BICC1: variants seen among roughly 807,000 people sequenced by gnomAD.
BICC1 encodes the protein protein bicaudal C homolog 1.
A neutral mutation model predicts 111.0 loss-of-function variants in BICC1; 43 were observed. That is an observed-to-expected ratio of 0.39 (90% CI 0.30 to 0.50). BICC1 has a LOEUF of 0.50. BICC1 is among the 20% of genes least tolerant of loss of function. The pLI is 0.88. For missense variants in BICC1, 1,091 were observed against 1,203.2 expected, an observed-to-expected ratio of 0.91 and a Z score of 1.38; for synonymous variants, 467 against 434.4, an observed-to-expected ratio of 1.07 and a Z score of -0.93.
In BICC1 at chr10:58,789,913, C is replaced by T. The variant is rs771938682; in HGVS notation, c.1027C>T (p.Leu343Phe). The change falls in exon 8 of 21, where the codon CTT (leucine) becomes TTT (phenylalanine). Residue 343 changes from leucine to phenylalanine, a missense_variant. Transcript: ENST00000373886. ...CCAGGGCACCATTGAGTCTGTCTGT[C>T]TTGCAAGGCAATATCTCATGGTAAG... ...YLQGTIESVC[L>F]ARQYLMGCLP... 5 of 1,614,022 alleles carry T rather than the reference C, an allele frequency of 3.1e-6. No homozygotes were observed. Among genetic ancestry groups the T allele is most frequent in the Non-Finnish European group, 2.5e-6 (3 of 1,180,024 alleles).
chr10:58,764,760 A>G (rs1392005372), intron 3 of BICC1, among the ~76,000 whole-genome samples: 1 of 151,982 alleles, frequency 6.6e-6, no homozygotes, highest in Non-Finnish European at 1.5e-5. Flanking sequence ...TGATAAAAAC[A>G]TAAGATCAGT....
At chr10:58,814,192 C>A in intron 18 of BICC1, 1 of 651,734 alleles carries the variant, frequency 1.5e-6, no homozygotes, top group South Asian at 1.9e-5. Flanking sequence ...TGCGTGCTTT[C>A]ACTCTAGCAC....
At chr10:58,537,509 C>G (rs150714159) in intron 1 of BICC1, among the ~76,000 whole-genome samples, 1 of 151,892 alleles carries the variant, frequency 6.6e-6, no homozygotes, top group African/African-American at 2.4e-5. Flanking sequence ...CCATCTATGA[C>G]AGATTCACAG....
In BICC1 at chr10:58,798,508, A is replaced by C; in HGVS notation, c.1476A>C (p.Thr492=). The change falls in exon 11 of 21, where the codon ACA becomes ACC. Residue 492 remains threonine (T), a synonymous_variant. Transcript: ENST00000373886. The stretch of plus-strand genomic sequence containing the variant: ...CTTTGCAAAGTCCAAGTTCTGGTAC[A>C]CCCAGCCCCACATTATGGGCACCCC... ...VSPLQSPSSG[T]PSPTLWAPPL... is the part of the protein sequence containing the mutation. 6.2e-7 allele frequency: 1 copy of C among 1,612,766 alleles called. No individual in the cohort carries two copies.
At chr10:58,793,231 G>A (rs1843235998) in intron 8 of BICC1, among the ~76,000 whole-genome samples, 1 of 152,048 alleles carries the variant, frequency 6.6e-6, no homozygotes. Context: ...GTGCACAGTG[G>A]ATAAAAAAAG....
At chr10:58,825,072 A>T (rs1844356452) in intron 20 of BICC1, among the ~76,000 whole-genome samples, 1 of 152,174 alleles carries the variant, frequency 6.6e-6, no homozygotes, top group Non-Finnish European at 1.5e-5. Context: ...TTTTCCCTGA[A>T]ATTTTAGATT....
In BICC1 at chr10:58,798,379, T is replaced by C. The variant is rs767729448; in HGVS notation, c.1367-20T>C. The stretch of plus-strand genomic sequence containing the variant: ...ATCTTAAATTTATGTGAATTGACTT[T>C]ATATATTCATTTATTACAGGTCTTT... On this transcript the variant is annotated intron_variant, in intron 10 of 20. Coordinates refer to ENST00000373886, the MANE Select transcript of BICC1 (RefSeq NM_001080512.3). The C allele has an allele frequency of 6.5e-7, 1 of 1,532,954 alleles. No homozygotes were observed. The highest frequency in any genetic ancestry group is 8.7e-7 in the Non-Finnish European group (1 of 1,143,274). 95.0% of individuals were successfully genotyped at this position (1,532,954 alleles called of 1,614,324 possible). A position where few individuals can be genotyped will look rare whatever the true frequency, so the allele number is the denominator to read the frequency against.
intron 1 of BICC1, among the ~76,000 whole-genome samples, chr10:58,582,546 T>C (rs575088959): frequency 6.6e-6 from 1 of 152,346 alleles, no homozygotes; most frequent in Admixed American, 6.5e-5. Context: ...AGGCCACTTG[T>C]ATTTCCTATT....
intron 9 of BICC1, among the ~76,000 whole-genome samples, chr10:58,795,477 A>C (rs1564618139): frequency 6.6e-6 from 1 of 152,206 alleles, no homozygotes. Flanking sequence ...GGGCTTGTGC[A>C]TATTAAGATG....
intron 2 of BICC1, among the ~76,000 whole-genome samples, chr10:58,692,039 T>G (rs1227111003): frequency 6.6e-6 from 1 of 152,162 alleles, no homozygotes. Context: ...CTTATTGAGA[T>G]CCTATGTGCT....
At chr10:58,638,335 GA>G (rs928497429) in intron 2 of BICC1, among the ~76,000 whole-genome samples, 10 of 151,956 alleles carry the variant, frequency 6.6e-5, no homozygotes, top group African/African-American at 1.7e-4. Context: ...AAGGCCATTT[GA>G]AAAAAACAGC....
chr10:58,813,809 T>C, intron 17 of BICC1, 21 bp from the exon 18 acceptor site: 1 of 1,608,120 alleles, frequency 6.2e-7, no homozygotes, highest in Non-Finnish European at 8.5e-7. Context: ...TATTTCCTTA[T>C]CTGGCTTTGT....
chr10:58,592,523 T>G (rs1057123825), intron 1 of BICC1, among the ~76,000 whole-genome samples: 6 of 150,004 alleles, frequency 4.0e-5, no homozygotes, highest in African/African-American at 1.5e-4. Flanking sequence ...CCATCCTGGC[T>G]AACACGGTGA....
At chr10:58,565,764 C>G (rs964539102) in intron 1 of BICC1, among the ~76,000 whole-genome samples, 2 of 151,912 alleles carry the variant, frequency 1.3e-5, no homozygotes, top group Non-Finnish European at 1.5e-5. Flanking sequence ...TAAGGCTGGC[C>G]CAGTCTAGGG....
At chr10:58,595,254 A>G (rs1588906599) in intron 1 of BICC1, among the ~76,000 whole-genome samples, 2 of 152,324 alleles carry the variant, frequency 1.3e-5, no homozygotes. Flanking sequence ...AGACTCCCAC[A>G]CAATAATAGT....
intron 2 of BICC1, among the ~76,000 whole-genome samples, chr10:58,676,373 G>T (rs1255518774): frequency 2.0e-5 from 3 of 152,184 alleles, no homozygotes; most frequent in Admixed American, 6.5e-5. Flanking sequence ...AAGATCTACT[G>T]GCTTGAAATT....
Position 58,626,743 on chromosome 10 carries a change from A to T in BICC1, c.237+5842A>T, listed in dbSNP as rs914196410. ...TTCACACAACCTCTTTATGAAAACCACATTTCCTGTATTATTCCTTTTTCT... is the reference window on the plus strand; with the variant it reads ...TTCACACAACCTCTTTATGAAAACCTCATTTCCTGTATTATTCCTTTTTCT... On this transcript the variant is annotated intron_variant, in intron 2 of 20. Transcript: ENST00000373886. Among the ~76,000 whole-genome samples the T allele has an allele frequency of 5.3e-5, 8 of 152,214 alleles. 1 individual carries two copies. Among genetic ancestry groups the T allele is most frequent in the African/African-American group, 9.7e-5 (4 of 41,448 alleles).
chr10:58,552,035 A>C (rs1564484176), intron 1 of BICC1, among the ~76,000 whole-genome samples: 3 of 151,292 alleles, frequency 2.0e-5, no homozygotes. Flanking sequence ...TTTAATGCTC[A>C]TTTTGTGTGC....
At chr10:58,593,709 C>G (rs186129079) in intron 1 of BICC1, among the ~76,000 whole-genome samples, 1 of 152,184 alleles carries the variant, frequency 6.6e-6, no homozygotes, top group Non-Finnish European at 1.5e-5. Flanking sequence ...CTCAAAGACC[C>G]CATCCGAAGG....
Sources: gnomAD v4.1 joint callset for allele counts (sites outside exome capture counted in the v4.1 genomes callset) on GRCh38, gnomAD v4.1.1 for gene constraint, MANE v1.5 for transcripts, NCBI Gene and HGNC (gene_info 2026-07-23, HGNC 2026-07-21) for gene names.